HDAC9: variants seen among roughly 807,000 people sequenced by gnomAD.
HDAC9 encodes the protein MEF-2 interacting transcription repressor (MITR) protein.
In HDAC9, 41 loss-of-function variants were observed where a neutral mutation model predicts 139.4. The observed-to-expected ratio is 0.29, with a 90% CI of 0.23 to 0.38. The LOEUF is 0.38. HDAC9 is among the 10% of genes least tolerant of loss of function. The pLI is 1.00. For missense variants in HDAC9, 1,147 were observed against 1,297.0 expected, an observed-to-expected ratio of 0.88 and a Z score of 1.78; for synonymous variants, 517 against 476.2, an observed-to-expected ratio of 1.09 and a Z score of -1.12.
chr7:18,977,296 T>G (rs1445520554), intron 25 of HDAC9, among the ~76,000 whole-genome samples: 6 of 152,172 alleles, frequency 3.9e-5, no homozygotes, highest in Non-Finnish European at 7.3e-5. Flanking sequence ...AACAGTTAGT[T>G]GTCTGTCATC....
intron 1 of HDAC9, chr7:18,458,749 C>A: frequency 1.3e-6 from 1 of 781,012 alleles, no homozygotes; most frequent in South Asian, 1.5e-5. Flanking sequence ...AGAGTAGTAA[C>A]AAAGAGAGAG....
chr7:18,959,932 T>C (rs186053210), intron 24 of HDAC9, among the ~76,000 whole-genome samples: 5 of 152,098 alleles, frequency 3.3e-5, no homozygotes, highest in Admixed American at 3.3e-4. Flanking sequence ...TCAAATGTGT[T>C]TTACATAAAT....
intron 1 of HDAC9, among the ~76,000 whole-genome samples, chr7:18,412,405 G>C (rs1650052540): frequency 6.6e-6 from 1 of 152,110 alleles, no homozygotes; most frequent in African/African-American, 2.4e-5. Flanking sequence ...CAGAGGCAAA[G>C]GTTTCAGGAA....
chr7:18,937,577 G>A (rs990248118), intron 23 of HDAC9, among the ~76,000 whole-genome samples: 8 of 152,062 alleles, frequency 5.3e-5, no homozygotes, highest in African/African-American at 1.7e-4. Flanking sequence ...AGTTGATGTT[G>A]GGGTGCTTCT....
chr7:18,652,853 T>C (rs1263250801), intron 11 of HDAC9, among the ~76,000 whole-genome samples: 1 of 152,150 alleles, frequency 6.6e-6, no homozygotes, highest in Non-Finnish European at 1.5e-5. Flanking sequence ...AAATACTGTG[T>C]GCAGACACAG....
intron 22 of HDAC9, among the ~76,000 whole-genome samples, chr7:18,923,867 T>TC (rs1803978940): frequency 6.6e-6 from 1 of 152,102 alleles, no homozygotes; most frequent in East Asian, 1.9e-4. Flanking sequence ...GTAATGTTAT[T>TC]CCCCAAAGAA....
At chr7:18,889,329 T>C (rs564691900) in intron 22 of HDAC9, among the ~76,000 whole-genome samples, 2 of 152,314 alleles carry the variant, frequency 1.3e-5, no homozygotes, top group South Asian at 4.1e-4. Flanking sequence ...CTATCACTTC[T>C]TTGACGTTAC....
chr7:18,942,383 G>A (rs1355147923), intron 23 of HDAC9, among the ~76,000 whole-genome samples: 1 of 151,962 alleles, frequency 6.6e-6, no homozygotes, highest in Admixed American at 6.6e-5. Context: ...TTTGTTTTTG[G>A]TAGAGGAGAG....
chr7:18,168,926 T>TGTGTGCGC (rs1407586998), intron 2 of HDAC9, among the ~76,000 whole-genome samples: 50 of 130,058 alleles, frequency 3.8e-4, no homozygotes, highest in African/African-American at 1.4e-3. Context: ...TGTGTGTGTG[T>TGTGTGCGC]GCGCGCATGT....
chr7:18,152,928 G>A (rs1391974357), intron 1 of HDAC9, among the ~76,000 whole-genome samples: 1 of 152,198 alleles, frequency 6.6e-6, no homozygotes, highest in African/African-American at 2.4e-5. Context: ...TCCTAAATTA[G>A]GTGTATTGGT....
At chr7:18,449,677 A>T (rs144805556) in intron 1 of HDAC9, among the ~76,000 whole-genome samples, 1 of 152,304 alleles carries the variant, frequency 6.6e-6, no homozygotes, top group East Asian at 1.9e-4. Flanking sequence ...CCTTCACAAA[A>T]AATACTTTCT....
chr7:18,117,757 T>G (rs1023528115), intron 1 of HDAC9, among the ~76,000 whole-genome samples: 4 of 152,166 alleles, frequency 2.6e-5, no homozygotes, highest in Non-Finnish European at 5.9e-5. Context: ...CCTTGAGAAC[T>G]GTGAGAAAAT....
chr7:18,412,205 G>A (rs772010653), intron 1 of HDAC9, among the ~76,000 whole-genome samples: 6 of 151,538 alleles, frequency 4.0e-5, no homozygotes, highest in Non-Finnish European at 7.4e-5. Context: ...ATCTGTGTAG[G>A]TCTTTTACTA....
At chr7:18,113,898 A>G (rs1783795546) in intron 1 of HDAC9, among the ~76,000 whole-genome samples, 1 of 152,168 alleles carries the variant, frequency 6.6e-6, no homozygotes, top group Non-Finnish European at 1.5e-5. Context: ...ATTGGTATTG[A>G]TGATGCTAAA....
chr7:18,554,008 A>C (rs927341380), intron 2 of HDAC9, among the ~76,000 whole-genome samples: 1 of 152,186 alleles, frequency 6.6e-6, no homozygotes, highest in Admixed American at 6.5e-5. Flanking sequence ...AATGTTCCAC[A>C]CATTGTAGGA....
At chr7:18,828,813 C>T (rs1795648893) in intron 17 of HDAC9, among the ~76,000 whole-genome samples, 1 of 152,136 alleles carries the variant, frequency 6.6e-6, no homozygotes, top group Admixed American at 6.5e-5. Context: ...TTTCTTCTCC[C>T]TCTGTAGGAT....
At chr7:18,582,207 A>G (rs1352324593) in intron 2 of HDAC9, among the ~76,000 whole-genome samples, 1 of 152,212 alleles carries the variant, frequency 6.6e-6, no homozygotes. Context: ...CCCAAACTGG[A>G]ATCTGCAAAT....
chr7:18,717,765 T>C (rs141312829), intron 12 of HDAC9, among the ~76,000 whole-genome samples: 16 of 152,220 alleles, frequency 1.1e-4, no homozygotes, highest in African/African-American at 3.1e-4. Context: ...CATATAATTG[T>C]ACAGATGTAC....
intron 2 of HDAC9, among the ~76,000 whole-genome samples, chr7:18,572,020 C>G (rs776657131): frequency 6.7e-6 from 1 of 150,154 alleles, no homozygotes; most frequent in Non-Finnish European, 1.5e-5. Context: ...TTTTTGTAAG[C>G]AAGAATTCCT....
Sources: gnomAD v4.1 joint callset for allele counts (sites outside exome capture counted in the v4.1 genomes callset) on GRCh38, gnomAD v4.1.1 for gene constraint, MANE v1.5 for transcripts, NCBI Gene and HGNC (gene_info 2026-07-23, HGNC 2026-07-21) for gene names.